The following CYP3A43 variants were observed in gnomAD, a reference collection of about 807,000 sequenced individuals.
CYP3A43 encodes the protein cytochrome P450 3A43.
A neutral mutation model predicts 58.0 loss-of-function variants in CYP3A43; 45 were observed. The observed-to-expected ratio is 0.78, with a 90% confidence interval of 0.61 to 0.99. The LOEUF is 0.99. Ranked by LOEUF, CYP3A43 falls within the 50% of genes least tolerant of loss-of-function variation. CYP3A43 has a pLI of 0.00. For missense variants in CYP3A43, 593 were observed against 591.9 expected (o/e 1.00, Z -0.02); for synonymous variants, 191 against 201.4 (o/e 0.95, Z 0.44).
intron 7 of CYP3A43, among the ~76,000 whole-genome samples, chr7:99,852,539 ATCAC>A (rs1817801946): frequency 2.0e-5 from 3 of 152,158 alleles, no homozygotes; most frequent in African/African-American, 7.2e-5. Context: ...TGATAAGTGT[ATCAC>A]TAATATTTTG....
At chr7:99,861,468 T>A in intron 10 of CYP3A43, 145 bp from the exon 11 acceptor site, 1 of 738,184 alleles carries the variant, frequency 1.4e-6, no homozygotes, top group Non-Finnish European at 2.2e-6. Context: ...GTATGGAGAA[T>A]TATTAAAATA....
chr7:99,828,965 A>C (rs1816732699), intron 1 of CYP3A43, among the ~76,000 whole-genome samples: 1 of 152,268 alleles, frequency 6.6e-6, no homozygotes, highest in Non-Finnish European at 1.5e-5. Flanking sequence ...CTTTATCTCC[A>C]CAATAAAATA....
At position 99,839,175 on chromosome 7, in the gene CYP3A43, G is replaced by A; in HGVS notation, c.218+3G>A. ...GAAAAATACGGAGAAATGTGGGGGT[G>A]AGTATTCTGGAAACTTGCATTGGAT... is the stretch of plus-strand genomic sequence containing the variant. On this transcript the variant is annotated splice_donor_region_variant and intron_variant, in intron 3 of 12. Transcript: ENST00000354829. 1 of 1,614,126 alleles carries A rather than the reference G, an allele frequency of 6.2e-7. No homozygotes were observed. The highest frequency in any genetic ancestry group is 8.5e-7 in the Non-Finnish European group (1 of 1,180,020).
intron 3 of CYP3A43, among the ~76,000 whole-genome samples, chr7:99,843,559 G>C (rs774599132): frequency 6.6e-6 from 1 of 151,908 alleles, no homozygotes; most frequent in Non-Finnish European, 1.5e-5. Context: ...TCCACCTCCC[G>C]GGTTCAAGTG....
chr7:99,861,798 C>T lies in CYP3A43; in HGVS notation c.1212C>T (p.Asp404=), dbSNP rs1158048779. 1 of 1,614,130 alleles carries T rather than the reference C, an allele frequency of 6.2e-7. No individual in the cohort carries two copies. Among genetic ancestry groups the T allele is most frequent in the South Asian group, 1.1e-5 (1 of 91,084 alleles). ...VMVPIYALHH[D]PKYWTEPEKF... is the part of the protein sequence containing the mutation. ...TTCCAATCTATGCTCTTCACCATGACCCAAAGTACTGGACAGAGCCTGAGA... is the reference window on the plus strand; with the variant it reads ...TTCCAATCTATGCTCTTCACCATGATCCAAAGTACTGGACAGAGCCTGAGA... The change falls in exon 11 of 13, where the codon GAC becomes GAT. Residue 404 remains aspartate, a synonymous_variant. Coordinates refer to ENST00000354829, the MANE Select transcript of CYP3A43 (RefSeq NM_057095.3).
intron 2 of CYP3A43, 196 bp from the exon 3 acceptor site, chr7:99,838,924 G>T (rs1477988862): frequency 2.2e-5 from 14 of 649,762 alleles, no homozygotes; most frequent in Non-Finnish European, 3.3e-5. Flanking sequence ...AGGTTGCAAT[G>T]AGCCAAGATC....
rs1228430016 is a variant in CYP3A43 at position 99,865,922 on chromosome 7, A to G, written c.1433A>G (p.Asp478Gly). ...CTTTTGCAGATCCCACTGAAATTAG[A>G]CAATCTACCAATTCTTCAACCAGAA... ...CKETQIPLKL[D>G]NLPILQPEKP... Residue 478 changes from aspartate (D) to glycine (G), a missense_variant, in exon 13 of 13, where the codon GAC (aspartate) becomes GGC (glycine). Asp to Gly is a moderately conservative substitution (Grantham distance 94). Coordinates refer to ENST00000354829, the MANE Select transcript of CYP3A43 (RefSeq NM_057095.3). 1 of 1,605,590 alleles carries G rather than the reference A, an allele frequency of 6.2e-7. No homozygotes were observed. The highest frequency in any genetic ancestry group is 8.5e-7 in the Non-Finnish European group (1 of 1,176,742).
chr7:99,839,063 T>C (rs1817214258), intron 2 of CYP3A43, 57 bp from the exon 3 acceptor site: 1 of 1,605,580 alleles, frequency 6.2e-7, no homozygotes. Context: ...CCTGGTTAAA[T>C]GTAGCGTTCA....
chr7:99,861,794 A>G lies in CYP3A43; in HGVS notation c.1208A>G (p.His403Arg). 1 of 1,614,180 alleles carries G rather than the reference A, an allele frequency of 6.2e-7. No homozygotes were observed. Among genetic ancestry groups the G allele is most frequent in the South Asian group, 1.1e-5 (1 of 91,076 alleles). The change falls in exon 11 of 13, where the codon CAT (histidine) becomes CGT (arginine). Residue 403 changes from histidine to arginine, a missense_variant. By Grantham distance (29) the His-to-Arg change is conservative. Transcript: ENST00000354829. Reference protein sequence around the residue: ...AVMVPIYALHHDPKYWTEPEK... With the variant: ...AVMVPIYALHRDPKYWTEPEK... ...ATGGTTCCAATCTATGCTCTTCACC[A>G]TGACCCAAAGTACTGGACAGAGCCT...
intron 1 of CYP3A43, 146 bp from the exon 2 acceptor site, chr7:99,836,307 T>C (rs534766025): frequency 3.1e-6 from 2 of 646,490 alleles, no homozygotes; most frequent in South Asian, 3.7e-5. Flanking sequence ...AAAATGTAAT[T>C]ATTGCCATCA....
In CYP3A43 at chr7:99,861,522, G is replaced by A; in HGVS notation, c.1027-91G>A. 27 of 1,052,202 alleles carry A rather than the reference G, an allele frequency of 2.6e-5. No individual in the cohort carries two copies. The South Asian group carries it at 2.8e-4, about 11-fold the overall frequency. The allele number at this position is 1,052,202 out of a possible 1,614,324, so 65.2% of individuals were successfully genotyped here. On this transcript the variant is annotated intron_variant, in intron 10 of 12. Coordinates refer to ENST00000354829, the MANE Select transcript of CYP3A43 (RefSeq NM_057095.3). ...CTTTTACCAGAATGAATTATTCTCT[G>A]GAGCTCCTAACACTTCAATAGTACT...
rs564238181 is a variant in CYP3A43 at position 99,854,987 on chromosome 7, C to T, written c.671-604C>T. On this transcript the variant is annotated intron_variant, in intron 7 of 12. Coordinates refer to ENST00000354829, the MANE Select transcript of CYP3A43 (RefSeq NM_057095.3). ...GCAACTTGCGCCTCCCTGGTTCAAG[C>T]GATTCTCATGACTGGGTCCCAAGTA... Among the ~76,000 whole-genome samples, 17 of 151,970 alleles carry T rather than the reference C, an allele frequency of 1.1e-4. No individual in the cohort carries two copies. The East Asian group carries it at 2.5e-3, about 23-fold the overall frequency.
chr7:99,837,076 C>T (rs1817114419), intron 2 of CYP3A43, among the ~76,000 whole-genome samples: 2 of 149,278 alleles, frequency 1.3e-5, no homozygotes, highest in South Asian at 2.1e-4. Context: ...GAGGCCGAGA[C>T]GGGCGGATCA....
chr7:99,833,837 A>T (rs745511106), intron 1 of CYP3A43, among the ~76,000 whole-genome samples: 13 of 152,194 alleles, frequency 8.5e-5, no homozygotes, highest in Non-Finnish European at 1.8e-4. Context: ...TTGACTGAAT[A>T]CTCCTAATAA....
At chr7:99,859,797 A>G (rs777275364) in intron 9 of CYP3A43, 33 bp from the exon 10 acceptor site, 3 of 1,613,712 alleles carry the variant, frequency 1.9e-6, no homozygotes, top group Non-Finnish European at 2.5e-6. Context: ...TACACTAACC[A>G]CTTTTCCTAA....
chr7:99,860,913 G>A (rs949859815), intron 10 of CYP3A43, among the ~76,000 whole-genome samples: 5 of 151,474 alleles, frequency 3.3e-5, no homozygotes, highest in African/African-American at 7.3e-5. Flanking sequence ...TTGCTTCGTC[G>A]CCCAGGCTGG....
intron 3 of CYP3A43, among the ~76,000 whole-genome samples, 155 bp from the exon 4 acceptor site, chr7:99,843,988 T>A (rs1482516959): frequency 1.3e-5 from 2 of 152,212 alleles, no homozygotes; most frequent in Non-Finnish European, 2.9e-5. Context: ...CTCTGTGTCA[T>A]ACCCTAATTG....
intron 1 of CYP3A43, among the ~76,000 whole-genome samples, chr7:99,832,350 G>A (rs1816878688): frequency 6.6e-6 from 1 of 151,960 alleles, no homozygotes; most frequent in South Asian, 2.1e-4. Context: ...GACCTGGTGG[G>A]AGGAATTGGA....
intron 10 of CYP3A43, among the ~76,000 whole-genome samples, chr7:99,860,235 T>C (rs1199243735): frequency 6.6e-6 from 1 of 152,134 alleles, no homozygotes; most frequent in Non-Finnish European, 1.5e-5. Context: ...GTTAGCAACA[T>C]AACACCAAGT....
Sources: gnomAD v4.1 joint callset for allele counts (sites outside exome capture counted in the v4.1 genomes callset) on GRCh38, gnomAD v4.1.1 for gene constraint, MANE v1.5 for transcripts, NCBI Gene and HGNC (gene_info 2026-07-23, HGNC 2026-07-21) for gene names.